Variants in MAK observed in about 807,000 individuals in gnomAD.
MAK encodes the protein male germ cell associated kinase.
A neutral mutation model predicts 82.6 loss-of-function variants in MAK; 65 were observed. The ratio of observed to expected loss-of-function variants is 0.79; its 90% CI spans 0.64 to 0.97. The LOEUF is 0.97. Among genes scored for constraint, MAK ranks in the 50% least tolerant of loss-of-function variants. MAK has a pLI of 0.00. For synonymous variants in MAK, 250 were observed against 274.2 expected, an observed-to-expected ratio of 0.91 and a Z score of 0.87; for missense variants, 703 against 780.2, an observed-to-expected ratio of 0.90 and a Z score of 1.18.
At chr6:10,816,426 G>A (rs1346618023) in intron 4 of MAK, among the ~76,000 whole-genome samples, 3 of 119,194 alleles carry the variant, frequency 2.5e-5, no homozygotes, top group East Asian at 5.1e-4. Flanking sequence ...GAATTTACAT[G>A]TATTTCATTT....
At chr6:10,801,482 A>G (rs896983953) in intron 8 of MAK, among the ~76,000 whole-genome samples, 2 of 152,234 alleles carry the variant, frequency 1.3e-5, no homozygotes, top group African/African-American at 4.8e-5. Flanking sequence ...ATACTGTTGT[A>G]TAAAGTGAAC....
At chr6:10,815,339 C>T (rs530664899) in intron 4 of MAK, among the ~76,000 whole-genome samples, 3 of 151,922 alleles carry the variant, frequency 2.0e-5, no homozygotes, top group South Asian at 2.1e-4. Flanking sequence ...AAAAGAGATG[C>T]GGGCTGGGTG....
chr6:10,808,473 T>C (rs974448986), intron 6 of MAK, among the ~76,000 whole-genome samples: 8 of 152,208 alleles, frequency 5.3e-5, no homozygotes, highest in Non-Finnish European at 8.8e-5. Context: ...TATCTGTCTA[T>C]TGGCTGTCAT....
intron 6 of MAK, among the ~76,000 whole-genome samples, chr6:10,808,190 T>G (rs1776646374): frequency 6.6e-6 from 1 of 152,186 alleles, no homozygotes; most frequent in African/African-American, 2.4e-5. Context: ...ACAGATTAGT[T>G]TTCTCTTTTT....
rs1458203787 is a variant in MAK, at chr6:10,796,131, G to A, written c.1010C>T (p.Pro337Leu). 6.2e-7 allele frequency: 1 copy of A among 1,613,998 alleles called. No individual in the cohort carries two copies. Among genetic ancestry groups the A allele is most frequent in the Non-Finnish European group, 8.5e-7 (1 of 1,180,036 alleles). Residue 337 changes from proline (P) to leucine (L), a missense_variant, in exon 9 of 15, where the codon CCA becomes CTA. Pro to Leu is a moderately conservative substitution (Grantham distance 98). Transcript: ENST00000354489. ...IIDQVVGQPQPKTSQQPLQPI... is the reference protein window; with the variant it reads ...IIDQVVGQPQLKTSQQPLQPI... Reference sequence around the variant, plus strand: ...CTGCAGTGGCTGCTGGCTAGTTTTTGGCTGGGGTTGTCCAACAACCTGATC... The same window carrying A: ...CTGCAGTGGCTGCTGGCTAGTTTTTAGCTGGGGTTGTCCAACAACCTGATC...
intron 5 of MAK, among the ~76,000 whole-genome samples, chr6:10,810,974 A>AT (rs1326838726): frequency 6.6e-6 from 1 of 152,026 alleles, no homozygotes; most frequent in Non-Finnish European, 1.5e-5. Context: ...AAATATTTTC[A>AT]TTTTTTTGAC....
At chr6:10,834,737 T>A (rs1300845959) in intron 1 of MAK, among the ~76,000 whole-genome samples, 1 of 151,114 alleles carries the variant, frequency 6.6e-6, no homozygotes, top group Non-Finnish European at 1.5e-5. Context: ...AGAACTTGAA[T>A]GGTTAAGGGA....
intron 2 of MAK, among the ~76,000 whole-genome samples, chr6:10,820,320 G>A (rs1370277062): frequency 6.6e-6 from 1 of 152,028 alleles, no homozygotes; most frequent in Admixed American, 6.6e-5. Flanking sequence ...AAGATCCAGA[G>A]GCTCTATGGG....
chr6:10,829,162 C>T (rs1292183898), intron 2 of MAK: 1 of 152,208 alleles, frequency 6.6e-6, no homozygotes, highest in Non-Finnish European at 1.5e-5. Context: ...TCCTGACCCA[C>T]AGAAACTATG....
intron 9 of MAK, among the ~76,000 whole-genome samples, chr6:10,795,458 A>G (rs1023828647): frequency 1.2e-4 from 18 of 148,104 alleles, no homozygotes; most frequent in African/African-American, 4.3e-4. Context: ...ATAAAAAAGA[A>G]AAGCCCAGGT....
At chr6:10,820,580 T>C (rs1369847443) in intron 2 of MAK, among the ~76,000 whole-genome samples, 3 of 152,218 alleles carry the variant, frequency 2.0e-5, no homozygotes, top group Non-Finnish European at 4.4e-5. Context: ...CTAGATGTTT[T>C]CATGTTTACC....
At chr6:10,812,263 G>T (rs1457612187) in intron 5 of MAK, among the ~76,000 whole-genome samples, 1 of 152,090 alleles carries the variant, frequency 6.6e-6, no homozygotes, top group East Asian at 1.9e-4. Context: ...AACTAATGGT[G>T]ATTTTCCAGT....
intron 2 of MAK, among the ~76,000 whole-genome samples, chr6:10,820,192 G>A (rs755265845): frequency 2.5e-4 from 38 of 152,072 alleles, no homozygotes; most frequent in Admixed American, 1.7e-3. Flanking sequence ...GCTGGGCTGT[G>A]AAAAAGAAAA....
At chr6:10,772,122 T>C (rs578215663) in intron 13 of MAK, among the ~76,000 whole-genome samples, 3 of 152,204 alleles carry the variant, frequency 2.0e-5, no homozygotes, top group Non-Finnish European at 4.4e-5. Context: ...GACTCTAGGA[T>C]TCATGCATTA....
chr6:10,792,065 A>G (rs756745942), intron 9 of MAK, among the ~76,000 whole-genome samples: 3 of 152,200 alleles, frequency 2.0e-5, no homozygotes, highest in Non-Finnish European at 4.4e-5. Flanking sequence ...TCTGTGAACT[A>G]GGTTGGTGAG....
chr6:10,767,971 T>C (rs1406793961), intron 14 of MAK, among the ~76,000 whole-genome samples: 1 of 152,120 alleles, frequency 6.6e-6, no homozygotes, highest in African/African-American at 2.4e-5. Context: ...TACAGAACAG[T>C]GTTTTTTCTA....
rs755806414 is a variant in MAK at position 10,784,624 on chromosome 6, G to GCCCACCCTCTGCACATCTCA, written c.1317-53_1317-52insTGAGATGTGCAGAGGGTGGG. On this transcript the variant is annotated intron_variant, in intron 10 of 14. Transcript: ENST00000354489. ...ACAGCACGAACAACGAGAGGATCTC[G>GCCCACCCTCTGCACATCTCA]CCCACCCTCTGCACATCTCGCCCAC... is the stretch of plus-strand genomic sequence containing the variant. The GCCCACCCTCTGCACATCTCA allele has an allele frequency of 3.6e-5, 54 of 1,501,036 alleles. No homozygotes were observed. In the East Asian group the frequency reaches 1.1e-3, roughly 31 times the overall value. 93.0% of individuals were successfully genotyped at this position (1,501,036 alleles called of 1,614,324 possible).
Position 10,830,827 on chromosome 6 carries a change from T to C in MAK, c.-179A>G, listed in dbSNP as rs1778761597. Reference sequence around the variant, plus strand: ...CAAGATTACAGAGGTTCATGAGATATAGCATGAAGGAATCGGGCAAGGAAA... The same window carrying C: ...CAAGATTACAGAGGTTCATGAGATACAGCATGAAGGAATCGGGCAAGGAAA... On this transcript the variant is annotated 5_prime_UTR_variant, in exon 2 of 15. Transcript: ENST00000354489. 12 of 653,040 alleles carry C rather than the reference T, an allele frequency of 1.8e-5. No homozygotes were observed. The highest frequency in any genetic ancestry group is 1.5e-4 in the South Asian group (9 of 61,470). 40.5% of individuals were successfully genotyped at this position (653,040 alleles called of 1,614,324 possible).
intron 9 of MAK, among the ~76,000 whole-genome samples, chr6:10,794,465 A>G (rs1025091418): frequency 6.6e-6 from 1 of 152,326 alleles, no homozygotes; most frequent in Non-Finnish European, 1.5e-5. Flanking sequence ...GAATGTGATT[A>G]GTGCTATTGG....
Sources: gnomAD v4.1 joint callset for allele counts (sites outside exome capture counted in the v4.1 genomes callset) on GRCh38, gnomAD v4.1.1 for gene constraint, MANE v1.5 for transcripts, NCBI Gene and HGNC (gene_info 2026-07-23, HGNC 2026-07-21) for gene names.